GARNL3: variants seen among roughly 807,000 people sequenced by gnomAD.
GARNL3 encodes the protein GTPase-activating Rap/Ran-GAP domain-like protein 3.
Under a neutral mutation model 125.0 loss-of-function variants are expected in GARNL3, and 63 were observed. That is an observed-to-expected ratio of 0.50 (90% CI 0.41 to 0.62). The LOEUF (loss-of-function observed/expected upper bound fraction) is 0.62. Among genes scored for constraint, GARNL3 ranks in the 20% least tolerant of loss-of-function variants. The pLI is 0.00. For synonymous variants in GARNL3, 439 were observed against 457.5 expected (o/e 0.96, Z 0.52); for missense variants, 994 against 1,244.0 (o/e 0.80, Z 3.02).
intron 22 of GARNL3, among the ~76,000 whole-genome samples, chr9:127,376,561 A>G (rs1279587478): frequency 6.6e-6 from 1 of 151,948 alleles, no homozygotes; most frequent in African/African-American, 2.4e-5. Context: ...CATGCATCTT[A>G]TAATTATAGT....
intron 2 of GARNL3, among the ~76,000 whole-genome samples, chr9:127,308,083 G>A (rs2065004992): frequency 6.6e-6 from 1 of 152,222 alleles, no homozygotes; most frequent in South Asian, 2.1e-4. Context: ...TGTTGATAAT[G>A]AATCATGCGA....
intron 2 of GARNL3, among the ~76,000 whole-genome samples, chr9:127,248,596 CTTT>C (rs745331884): frequency 9.4e-5 from 7 of 74,570 alleles, no homozygotes; most frequent in African/African-American, 4.1e-4. Context: ...TTTTTCTTTT[CTTT>C]TTTTTTTTTT....
At chr9:127,370,651 G>A (rs1831556961) in intron 22 of GARNL3, among the ~76,000 whole-genome samples, 1 of 152,178 alleles carries the variant, frequency 6.6e-6, no homozygotes, top group African/African-American at 2.4e-5. Context: ...TGACATTGCT[G>A]TCCACTCTCC....
chr9:127,389,270 A>C, intron 26 of GARNL3, 151 bp downstream of exon 26: 1 of 619,324 alleles, frequency 1.6e-6, no homozygotes, highest in Non-Finnish European at 2.8e-6. Flanking sequence ...CTCTATACCA[A>C]GGAATACACT....
chr9:127,355,798 A>G (rs141525224), intron 20 of GARNL3, among the ~76,000 whole-genome samples: 1 of 152,364 alleles, frequency 6.6e-6, no homozygotes, highest in East Asian at 1.9e-4. Context: ...AAATACTAAA[A>G]TTAAACATAG....
intron 17 of GARNL3, chr9:127,353,552 G>A (rs1830521476): frequency 3.8e-6 from 1 of 264,704 alleles, no homozygotes; most frequent in Non-Finnish European, 7.1e-6. Context: ...ATTGAGAGAT[G>A]TTGCTTTTTC....
chr9:127,274,609 C>T (rs1339315434), intron 1 of GARNL3, among the ~76,000 whole-genome samples: 10 of 152,274 alleles, frequency 6.6e-5, no homozygotes, highest in African/African-American at 2.2e-4. Flanking sequence ...CTTGCAGCCA[C>T]CTTGGCTTGG....
chr9:127,275,393 G>T (rs1564871234), intron 1 of GARNL3, among the ~76,000 whole-genome samples: 1 of 152,168 alleles, frequency 6.6e-6, no homozygotes, highest in South Asian at 2.1e-4. Flanking sequence ...CTTATTAACT[G>T]CCCCTTGGCA....
At chr9:127,237,759 A>G (rs939580799) in intron 1 of GARNL3, among the ~76,000 whole-genome samples, 2 of 152,232 alleles carry the variant, frequency 1.3e-5, no homozygotes, top group African/African-American at 2.4e-5. Context: ...CTTTCCAACC[A>G]TAAGTGTCAG....
At chr9:127,302,043 C>T (rs1217603731) in intron 2 of GARNL3, among the ~76,000 whole-genome samples, 2 of 149,772 alleles carry the variant, frequency 1.3e-5, no homozygotes, top group African/African-American at 4.9e-5. Flanking sequence ...CCTGGGTTCA[C>T]GCCATTCTCC....
chr9:127,390,616 C>T, intron 26 of GARNL3, 25 bp from the exon 27 acceptor site: 2 of 1,612,570 alleles, frequency 1.2e-6, no homozygotes, highest in East Asian at 2.2e-5. Context: ...GGTAGTGACC[C>T]TCTGACCTAT....
chr9:127,228,627 GCTTTC>G (rs1210828518), intron 1 of GARNL3, among the ~76,000 whole-genome samples: 1 of 152,110 alleles, frequency 6.6e-6, no homozygotes, highest in Non-Finnish European at 1.5e-5. Flanking sequence ...GAATGCTTAT[GCTTTC>G]CTTATTGAAT....
intron 2 of GARNL3, among the ~76,000 whole-genome samples, chr9:127,297,200 G>T (rs933221651): frequency 9.9e-5 from 15 of 152,116 alleles, no homozygotes; most frequent in Non-Finnish European, 2.1e-4. Flanking sequence ...GTGCAGTGGT[G>T]CAGTGATGGC....
intron 22 of GARNL3, among the ~76,000 whole-genome samples, chr9:127,376,469 C>A (rs1015936152): frequency 6.6e-6 from 1 of 152,128 alleles, no homozygotes; most frequent in Non-Finnish European, 1.5e-5. Context: ...CCGCCCGCCT[C>A]GGCCTCCCAG....
At chr9:127,360,190 T>A (rs889095266) in intron 21 of GARNL3, among the ~76,000 whole-genome samples, 2 of 152,028 alleles carry the variant, frequency 1.3e-5, no homozygotes, top group Non-Finnish European at 2.9e-5. Flanking sequence ...GCCCAGCTAA[T>A]TTTTGTATTT....
chr9:127,244,814 A>T (rs1564844365), intron 2 of GARNL3, among the ~76,000 whole-genome samples: 1 of 152,224 alleles, frequency 6.6e-6, no homozygotes, highest in Non-Finnish European at 1.5e-5. Flanking sequence ...CGAAGCCAGG[A>T]GTCACTGTTG....
intron 6 of GARNL3, among the ~76,000 whole-genome samples, chr9:127,323,883 A>G (rs2065481855): frequency 6.6e-6 from 1 of 152,252 alleles, no homozygotes; most frequent in Admixed American, 6.5e-5. Context: ...TTGTAATGAC[A>G]TACACAGTGA....
intron 17 of GARNL3, among the ~76,000 whole-genome samples, chr9:127,350,351 T>A (rs561812588): frequency 6.6e-6 from 1 of 152,290 alleles, no homozygotes; most frequent in Admixed American, 6.5e-5. Flanking sequence ...TGATCACAAC[T>A]AGAAGGAGGG....
intron 2 of GARNL3, among the ~76,000 whole-genome samples, chr9:127,303,861 A>G (rs955789055): frequency 8.5e-5 from 13 of 152,148 alleles, no homozygotes; most frequent in African/African-American, 3.1e-4. Context: ...ACATCCCACA[A>G]GTATAAGTAG....
Sources: allele counts gnomAD v4.1 joint callset (sites outside exome capture counted in the v4.1 genomes callset), GRCh38; gene constraint gnomAD v4.1.1; transcripts MANE v1.5; gene names NCBI Gene and HGNC (gene_info 2026-07-23, HGNC 2026-07-21).